KIFAP3: variants seen among roughly 807,000 people sequenced by gnomAD.
KIFAP3 encodes kinesin-associated protein 3.
A neutral mutation model predicts 106.5 loss-of-function variants in KIFAP3; 68 were observed. That is an observed-to-expected ratio of 0.64 (90% CI 0.53 to 0.78). The LOEUF is 0.78. Among genes scored for constraint, KIFAP3 ranks in the 30% least tolerant of loss-of-function variants. The pLI is 0.00. For missense variants in KIFAP3, 780 were observed against 941.8 expected, an observed-to-expected ratio of 0.83 and a Z score of 2.25; for synonymous variants, 320 against 311.5, an observed-to-expected ratio of 1.03 and a Z score of -0.29.
intron 19 of KIFAP3, among the ~76,000 whole-genome samples, chr1:169,922,444 A>G (rs1662879610): frequency 6.6e-6 from 1 of 152,250 alleles, no homozygotes; most frequent in African/African-American, 2.4e-5. Flanking sequence ...TTTTGGTTCA[A>G]CTTATTCTAT....
At chr1:170,019,516 C>G (rs1019404197) in intron 9 of KIFAP3, among the ~76,000 whole-genome samples, 2 of 152,024 alleles carry the variant, frequency 1.3e-5, no homozygotes, top group Non-Finnish European at 2.9e-5. Flanking sequence ...GACTGGTAAA[C>G]ATTCAAAAGT....
rs773490936 is a variant in KIFAP3, at chr1:170,074,474, A to G, written c.-7T>C. 3 of 1,613,508 alleles carry G rather than the reference A, an allele frequency of 1.9e-6. No individual in the cohort carries two copies. The highest frequency in any genetic ancestry group is 2.5e-6 in the Non-Finnish European group (3 of 1,179,594). The stretch of plus-strand genomic sequence containing the variant: ...TGGCGTCCTCCCCTTGCATGGCGGC[A>G]GCGGCAGCGGCGTGGAGAGGATGGG... On this transcript the variant is annotated 5_prime_UTR_variant, in exon 1 of 20. Coordinates refer to ENST00000361580, the MANE Select transcript of KIFAP3 (RefSeq NM_014970.4).
chr1:170,015,904 C>T (rs1455397438), intron 10 of KIFAP3, among the ~76,000 whole-genome samples: 3 of 152,040 alleles, frequency 2.0e-5, no homozygotes, highest in Admixed American at 2.0e-4. Flanking sequence ...CTGAATTCTC[C>T]AATACAGTAC....
At chr1:169,943,770 C>A (rs181094160) in intron 19 of KIFAP3, among the ~76,000 whole-genome samples, 1 of 152,170 alleles carries the variant, frequency 6.6e-6, no homozygotes, top group African/African-American at 2.4e-5. Flanking sequence ...AAATGCAATA[C>A]ATGTGAAAAG....
chr1:169,985,260 T>C (rs1297526652), intron 11 of KIFAP3, among the ~76,000 whole-genome samples: 4 of 151,764 alleles, frequency 2.6e-5, no homozygotes, highest in African/African-American at 7.2e-5. Flanking sequence ...ATTTACCCAG[T>C]GTAGAAAATA....
upstream of KIFAP3, among the ~76,000 whole-genome samples, chr1:170,077,705 G>T (rs985217689): frequency 6.6e-6 from 1 of 152,034 alleles, no homozygotes; most frequent in Admixed American, 6.6e-5. Flanking sequence ...GTATCCTTTG[G>T]AGTCGCCTTA....
chr1:169,974,020 G>A (rs1010683319), intron 16 of KIFAP3, among the ~76,000 whole-genome samples: 3 of 151,790 alleles, frequency 2.0e-5, no homozygotes, highest in Non-Finnish European at 4.4e-5. Flanking sequence ...ATATTGGATA[G>A]CAAATAACAT....
intron 10 of KIFAP3, among the ~76,000 whole-genome samples, chr1:170,016,075 G>A (rs931280994): frequency 1.3e-5 from 2 of 151,858 alleles, no homozygotes; most frequent in African/African-American, 2.4e-5. Context: ...CCACAAATTA[G>A]CTCATTTTTA....
chr1:170,068,023 TA>T (rs1671530750), intron 1 of KIFAP3: 1 of 152,230 alleles, frequency 6.6e-6, no homozygotes, highest in Non-Finnish European at 1.5e-5. Flanking sequence ...GGTAAAATTG[TA>T]AATTGCCTGG....
chr1:169,976,823 A>G (rs1000109789), intron 16 of KIFAP3, among the ~76,000 whole-genome samples: 2 of 152,096 alleles, frequency 1.3e-5, no homozygotes, highest in African/African-American at 4.8e-5. Flanking sequence ...TTCATGTGAT[A>G]ATCACTGCTT....
chr1:169,921,426 A>G lies in KIFAP3; in HGVS notation c.*250T>C. 1 of 303,882 alleles carries G rather than the reference A, an allele frequency of 3.3e-6. No individual in the cohort carries two copies. The highest frequency in any genetic ancestry group is 5.9e-5 in the East Asian group (1 of 16,838). The allele number at this position is 303,882 out of a possible 1,614,324, so 18.8% of individuals were successfully genotyped here. A position where few individuals can be genotyped will look rare whatever the true frequency, so the allele number is the denominator to read the frequency against. ...CCAGTCTAGTAGCTTTTCAGCATTCAGTTTTGTGGCTCATGGGAAATGTTA... is the reference window on the plus strand; with the variant it reads ...CCAGTCTAGTAGCTTTTCAGCATTCGGTTTTGTGGCTCATGGGAAATGTTA... On this transcript the variant is annotated 3_prime_UTR_variant, in exon 20 of 20. Coordinates refer to ENST00000361580, the MANE Select transcript of KIFAP3 (RefSeq NM_014970.4).
rs1666549769 is a variant in KIFAP3, at chr1:169,982,021, T to C, written c.1749A>G (p.Ala583=). 3.1e-6 allele frequency: 5 copies of C among 1,613,610 alleles called. No individual in the cohort carries two copies. Among genetic ancestry groups the C allele is most frequent in the Non-Finnish European group, 4.2e-6 (5 of 1,179,600 alleles). ...GGATTATGCCAGATTTGGCTAGCAA[T>C]GCAGCACAAGAGTCATCCATGGATA... ...GTVSMDDSCA[A]LLAKSGIIPA... Residue 583 remains alanine (A), a synonymous_variant, in exon 15 of 20, where the codon GCA becomes GCG. Coordinates refer to ENST00000361580, the MANE Select transcript of KIFAP3 (RefSeq NM_014970.4).
chr1:170,061,232 AG>A (rs1671135611), intron 1 of KIFAP3, among the ~76,000 whole-genome samples: 1 of 152,204 alleles, frequency 6.6e-6, no homozygotes, highest in South Asian at 2.1e-4. Flanking sequence ...GGCAACCTAC[AG>A]AATGGGAGAA....
intron 19 of KIFAP3, among the ~76,000 whole-genome samples, chr1:169,930,784 T>C (rs1027907782): frequency 6.6e-6 from 1 of 152,226 alleles, no homozygotes; most frequent in African/African-American, 2.4e-5. Flanking sequence ...ATCTTTCTTA[T>C]GAACTTAGTC....
At chr1:170,081,444 G>C (rs1279718991) in intron 1 of KIFAP3, among the ~76,000 whole-genome samples, 2 of 152,200 alleles carry the variant, frequency 1.3e-5, no homozygotes, top group East Asian at 3.8e-4. Flanking sequence ...CTGTAGATCA[G>C]AAGTCTGCAA....
Position 170,026,593 on chromosome 1 carries a change from G to A in KIFAP3, c.842-1997C>T, listed in dbSNP as rs556628110. 3.3e-5 allele frequency among the ~76,000 whole-genome samples: 5 copies of A among 152,326 alleles called. No homozygotes were observed. The East Asian group carries it at 5.8e-4, about 18-fold the overall frequency. On this transcript the variant is annotated intron_variant, in intron 8 of 19. Coordinates refer to ENST00000361580, the MANE Select transcript of KIFAP3 (RefSeq NM_014970.4). ...GAGACGCCAAAGAGTTCACAGAAAA[G>A]AGTACTGAAGAAGAAAGAGCTGAGC...
At chr1:170,005,438 C>A (rs1490895379) in intron 10 of KIFAP3, among the ~76,000 whole-genome samples, 4 of 150,548 alleles carry the variant, frequency 2.7e-5, no homozygotes, top group Non-Finnish European at 3.0e-5. Flanking sequence ...TTCACAATAG[C>A]AAAGACTTGG....
chr1:170,001,064 T>G (rs1667644138), intron 10 of KIFAP3, among the ~76,000 whole-genome samples: 1 of 152,148 alleles, frequency 6.6e-6, no homozygotes, highest in Non-Finnish European at 1.5e-5. Context: ...TGATAGATTT[T>G]CATTTGTTTT....
chr1:169,985,996 G>GT (rs1197430246), intron 11 of KIFAP3, among the ~76,000 whole-genome samples: 1 of 151,704 alleles, frequency 6.6e-6, no homozygotes, highest in Admixed American at 6.6e-5. Context: ...CATAAAGAGA[G>GT]TTTTTTCTCA....
Sources: allele counts gnomAD v4.1 joint callset (sites outside exome capture counted in the v4.1 genomes callset), GRCh38; gene constraint gnomAD v4.1.1; transcripts MANE v1.5; gene names NCBI Gene and HGNC (gene_info 2026-07-23, HGNC 2026-07-21).